Variants in LRRC8D observed in about 807,000 individuals in gnomAD.
LRRC8D encodes leucine rich repeat containing 8 VRAC subunit D, also known as volume-regulated anion channel subunit LRRC8D.
A neutral mutation model predicts 55.8 loss-of-function variants in LRRC8D; 20 were observed. The ratio of observed to expected loss-of-function variants is 0.36; its 90% CI spans 0.25 to 0.52. The LOEUF is 0.52. Among genes scored for constraint, LRRC8D ranks in the 20% least tolerant of loss-of-function variants. The pLI is 0.93. For missense variants in LRRC8D, 651 were observed against 1,030.8 expected, an observed-to-expected ratio of 0.63 and a Z score of 5.05; for synonymous variants, 352 against 377.0, an observed-to-expected ratio of 0.93 and a Z score of 0.77.
At chr1:89,826,201 C>T (rs1660756699) in intron 1 of LRRC8D, among the ~76,000 whole-genome samples, 1 of 152,154 alleles carries the variant, frequency 6.6e-6, no homozygotes, top group Admixed American at 6.5e-5. Flanking sequence ...AGTTGTGTCA[C>T]TTTGAATAGA....
chr1:89,912,132 C>T (rs1384974035), intron 2 of LRRC8D, among the ~76,000 whole-genome samples: 1 of 152,126 alleles, frequency 6.6e-6, no homozygotes, highest in Non-Finnish European at 1.5e-5. Context: ...ACCAGCTATT[C>T]CAACTGAAAA....
chr1:89,847,051 G>A (rs908386714), intron 2 of LRRC8D, among the ~76,000 whole-genome samples: 2 of 152,094 alleles, frequency 1.3e-5, no homozygotes, highest in Non-Finnish European at 2.9e-5. Flanking sequence ...AACAACGTGA[G>A]CAAACCCATG....
chr1:89,887,695 T>C (rs1662458024), intron 2 of LRRC8D, among the ~76,000 whole-genome samples: 1 of 152,204 alleles, frequency 6.6e-6, no homozygotes. Flanking sequence ...CCTGTTAAGG[T>C]GTTTTCATTG....
intron 1 of LRRC8D, among the ~76,000 whole-genome samples, chr1:89,824,898 A>G (rs956048251): frequency 6.6e-6 from 1 of 152,132 alleles, no homozygotes; most frequent in African/African-American, 2.4e-5. Flanking sequence ...TAAGCTTACA[A>G]CTGCCTATGA....
At chr1:89,853,698 A>G (rs1661480224) in intron 2 of LRRC8D, among the ~76,000 whole-genome samples, 1 of 152,210 alleles carries the variant, frequency 6.6e-6, no homozygotes, top group Non-Finnish European at 1.5e-5. Context: ...ATCAGGGCAC[A>G]GAAGGGTCCG....
intron 2 of LRRC8D, among the ~76,000 whole-genome samples, chr1:89,869,488 G>A (rs961273519): frequency 1.3e-5 from 2 of 152,170 alleles, no homozygotes; most frequent in Non-Finnish European, 2.9e-5. Context: ...TTTGATTGGT[G>A]TACATGAAAG....
At chr1:89,910,473 C>T (rs1483687400) in intron 2 of LRRC8D, among the ~76,000 whole-genome samples, 1 of 152,150 alleles carries the variant, frequency 6.6e-6, no homozygotes, top group African/African-American at 2.4e-5. Context: ...GACTTTACTC[C>T]TTGTGCCCTT....
intron 2 of LRRC8D, among the ~76,000 whole-genome samples, chr1:89,844,393 G>T (rs1287702598): frequency 6.6e-6 from 1 of 152,190 alleles, no homozygotes; most frequent in Non-Finnish European, 1.5e-5. Context: ...AATTAATGAT[G>T]CAGGCACACA....
chr1:89,825,608 C>T (rs185134275), intron 1 of LRRC8D, among the ~76,000 whole-genome samples: 35 of 152,256 alleles, frequency 2.3e-4, no homozygotes, highest in African/African-American at 7.7e-4. Context: ...TAGTGACAGC[C>T]TTATATTTAG....
intron 2 of LRRC8D, among the ~76,000 whole-genome samples, chr1:89,854,505 G>A (rs995375397): frequency 3.3e-5 from 5 of 152,206 alleles, no homozygotes; most frequent in Admixed American, 3.3e-4. Flanking sequence ...TGGACAGGAG[G>A]AGAGAAGGAG....
At chr1:89,924,571 C>A (rs543394862) in intron 2 of LRRC8D, among the ~76,000 whole-genome samples, 26 of 152,248 alleles carry the variant, frequency 1.7e-4, no homozygotes, top group Non-Finnish European at 3.5e-4. Context: ...TGTGTATATA[C>A]CCAAAGGAAA....
Position 89,879,567 on chromosome 1 carries a change from G to A in LRRC8D, c.-3+35785G>A, listed in dbSNP as rs1470986234. Among the ~76,000 whole-genome samples, 3 of 152,248 alleles carry A rather than the reference G, an allele frequency of 2.0e-5. No homozygotes were observed. In the East Asian group the frequency reaches 5.8e-4, roughly 29 times the overall value. ...AAAATACTTTCCTGGTAAATCTGTT[G>A]TGTTACCTTATGTATGATATTGTGT... On this transcript the variant is annotated intron_variant, in intron 2 of 2. Coordinates refer to ENST00000337338, the MANE Select transcript of LRRC8D (RefSeq NM_001134479.2).
chr1:89,821,346 C>T (rs1660624606), intron 1 of LRRC8D, 55 bp downstream of exon 1: 1 of 152,126 alleles, frequency 6.6e-6, no homozygotes, highest in African/African-American at 2.4e-5. Context: ...AGGCGACGCG[C>T]AGGTGGAGCC....
chr1:89,860,785 AATATATATATAT>A (rs35932362), intron 2 of LRRC8D, among the ~76,000 whole-genome samples: 11 of 28,198 alleles, frequency 3.9e-4, no homozygotes, highest in South Asian at 2.9e-3. Flanking sequence ...AAAAAAAAAA[AATATATATATAT>A]ATATATATAT....
intron 1 of LRRC8D, among the ~76,000 whole-genome samples, chr1:89,829,235 A>C (rs1277611262): frequency 6.6e-6 from 1 of 152,228 alleles, no homozygotes; most frequent in South Asian, 2.1e-4. Context: ...TGGACAATGT[A>C]TGGAACACCT....
intron 2 of LRRC8D, among the ~76,000 whole-genome samples, chr1:89,872,981 A>G (rs1187561029): frequency 2.0e-5 from 3 of 152,250 alleles, no homozygotes; most frequent in Non-Finnish European, 4.4e-5. Context: ...TGTGACCCAA[A>G]GTGAATAAAA....
intron 2 of LRRC8D, among the ~76,000 whole-genome samples, chr1:89,877,931 A>G (rs1462018628): frequency 6.6e-6 from 1 of 152,208 alleles, no homozygotes; most frequent in Non-Finnish European, 1.5e-5. Context: ...ATCTCCTAAC[A>G]TGAGTATGCT....
At position 89,880,951 on chromosome 1, in the gene LRRC8D, A is replaced by G. The variant is rs1404698327; in HGVS notation, c.-3+37169A>G. Among the ~76,000 whole-genome samples the G allele has an allele frequency of 2.6e-5, 4 of 152,148 alleles. 1 individual carries two copies. The highest frequency in any genetic ancestry group is 2.0e-4 in the Admixed American group (3 of 15,280). ...TCACTAGCACTGGAATCTAAAGCTC[A>G]TCACTCTAATGCCAATGTATTTTGC... On this transcript the variant is annotated intron_variant, in intron 2 of 2. Transcript: ENST00000337338.
rs951130373 is a variant in LRRC8D, at chr1:89,868,041, G to C, written c.-3+24259G>C. On this transcript the variant is annotated intron_variant, in intron 2 of 2. Coordinates refer to ENST00000337338, the MANE Select transcript of LRRC8D (RefSeq NM_001134479.2). ...CATACTAAATGGAGTCCTGAACTGG[G>C]TTATCTGTGATAAGCAAAGGAGGAA... Among the ~76,000 whole-genome samples, 8 of 152,238 alleles carry C rather than the reference G, an allele frequency of 5.3e-5. No individual in the cohort carries two copies. The East Asian group carries it at 1.4e-3, about 26-fold the overall frequency.
Sources: allele counts gnomAD v4.1 joint callset (sites outside exome capture counted in the v4.1 genomes callset), GRCh38; gene constraint gnomAD v4.1.1; transcripts MANE v1.5; gene names NCBI Gene and HGNC (gene_info 2026-07-23, HGNC 2026-07-21).